CES1: variants seen among roughly 807,000 people sequenced by gnomAD.
CES1 encodes the protein liver carboxylesterase 1.
In CES1, 50 loss-of-function variants were observed where a neutral mutation model predicts 53.0. The ratio of observed to expected loss-of-function variants is 0.94; its 90% CI spans 0.75 to 1.19. The LOEUF is 1.19. Among genes scored for constraint, CES1 ranks in the 50% most tolerant of loss-of-function variants. The pLI is 0.00. For missense variants in CES1, 534 were observed against 538.0 expected, an observed-to-expected ratio of 0.99 and a Z score of 0.07; for synonymous variants, 202 against 210.1, an observed-to-expected ratio of 0.96 and a Z score of 0.33.
chr16:55,823,718 A>G (rs2032307166), intron 3 of CES1, 35 bp from the exon 4 acceptor site: 1 of 1,613,454 alleles, frequency 6.2e-7, no homozygotes, highest in African/African-American at 1.3e-5. Context: ...CAGTTACAGG[A>G]CACAGAGCCA....
intron 8 of CES1, among the ~76,000 whole-genome samples, chr16:55,814,717 T>A (rs1482105257): frequency 3.5e-4 from 53 of 152,382 alleles, no homozygotes; most frequent in African/African-American, 1.3e-3. Flanking sequence ...CAGATGGAAC[T>A]GGACAATTCC....
chr16:55,831,792 G>A (rs1425316118), intron 1 of CES1, among the ~76,000 whole-genome samples: 1 of 151,748 alleles, frequency 6.6e-6, no homozygotes, highest in Non-Finnish European at 1.5e-5. Flanking sequence ...GGGCTGTCAG[G>A]ATTCAGGACC....
intron 7 of CES1, among the ~76,000 whole-genome samples, chr16:55,818,379 T>C (rs552490144): frequency 6.6e-6 from 1 of 152,344 alleles, no homozygotes; most frequent in South Asian, 2.1e-4. Flanking sequence ...TCCTACAGTG[T>C]TGCCTCTGTG....
intron 2 of CES1, among the ~76,000 whole-genome samples, chr16:55,827,702 T>G (rs1297958764): frequency 1.3e-5 from 2 of 152,224 alleles, no homozygotes; most frequent in Admixed American, 1.3e-4. Flanking sequence ...CAATACCCAA[T>G]GTAATGCAGC....
intron 2 of CES1, chr16:55,827,758 T>G (rs1438177218): frequency 6.6e-6 from 1 of 152,226 alleles, no homozygotes. Flanking sequence ...ATTATGCTCA[T>G]GATATACTTA....
intron 8 of CES1, among the ~76,000 whole-genome samples, chr16:55,813,851 G>A (rs1444652837): frequency 2.0e-5 from 3 of 152,240 alleles, no homozygotes; most frequent in Non-Finnish European, 1.5e-5. Context: ...AATAGACCGC[G>A]AAGAGGACAC....
intron 8 of CES1, among the ~76,000 whole-genome samples, chr16:55,813,672 G>A (rs535550694): frequency 6.6e-6 from 1 of 152,256 alleles, no homozygotes; most frequent in East Asian, 1.9e-4. Context: ...ACGGCCAGCA[G>A]CACTGCAGCT....
intron 7 of CES1, among the ~76,000 whole-genome samples, chr16:55,817,958 C>T (rs1211729042): frequency 6.6e-6 from 1 of 152,190 alleles, no homozygotes; most frequent in African/African-American, 2.4e-5. Flanking sequence ...GGAATATTTG[C>T]CTCCTTCCGG....
At chr16:55,828,494 CT>C in intron 2 of CES1, among the ~76,000 whole-genome samples, 1 of 152,322 alleles carries the variant, frequency 6.6e-6, no homozygotes, top group East Asian at 1.9e-4. Flanking sequence ...CTGTCTCCCC[CT>C]GCTAGAATGC....
chr16:55,816,468 G>A (rs1210492183), intron 8 of CES1, among the ~76,000 whole-genome samples: 5 of 152,232 alleles, frequency 3.3e-5, no homozygotes, highest in Non-Finnish European at 5.9e-5. Context: ...GGGGGTGGGA[G>A]TGGGGATGAG....
intron 1 of CES1, among the ~76,000 whole-genome samples, chr16:55,831,888 T>C (rs1165945220): frequency 6.6e-6 from 1 of 151,042 alleles, no homozygotes; most frequent in Non-Finnish European, 1.5e-5. Context: ...GTCTATAAAA[T>C]GGCATGGGGG....
chr16:55,822,851 G>T (rs1288594734), intron 4 of CES1, among the ~76,000 whole-genome samples: 1 of 152,074 alleles, frequency 6.6e-6, no homozygotes, highest in South Asian at 2.1e-4. Flanking sequence ...ATTGATGACC[G>T]CAATGAGACC....
At chr16:55,817,714 GTC>G (rs1196211359) in intron 7 of CES1, among the ~76,000 whole-genome samples, 2 of 151,844 alleles carry the variant, frequency 1.3e-5, no homozygotes, top group Non-Finnish European at 1.5e-5. Flanking sequence ...GTCTGTGTGT[GTC>G]TCTGTGTGTG....
intron 3 of CES1, among the ~76,000 whole-genome samples, chr16:55,824,277 T>C (rs1474265044): frequency 6.6e-6 from 1 of 152,288 alleles, no homozygotes; most frequent in Non-Finnish European, 1.5e-5. Flanking sequence ...GGACTAACAC[T>C]GTCGAGAACT....
intron 1 of CES1, among the ~76,000 whole-genome samples, chr16:55,831,719 C>G (rs558197126): frequency 6.7e-6 from 1 of 149,438 alleles, no homozygotes; most frequent in Admixed American, 6.7e-5. Context: ...CTGCCCTTCC[C>G]CACAGTTCCA....
intron 1 of CES1, among the ~76,000 whole-genome samples, chr16:55,830,817 G>GGAAGGAAGGTAAGAAGGAAGGAAGGAAA (rs2032627624): frequency 6.7e-6 from 1 of 150,086 alleles, no homozygotes; most frequent in Non-Finnish European, 1.5e-5. Flanking sequence ...AAGGAAGGAA[G>GGAAGGAAGGTAAGAAGGAAGGAAGGAAA]GAAGGCAGGC....
chr16:55,808,154 T>C (rs1386488671), intron 11 of CES1, among the ~76,000 whole-genome samples: 1 of 109,634 alleles, frequency 9.1e-6, no homozygotes, highest in Non-Finnish European at 1.8e-5. Flanking sequence ...GGGTTTGACC[T>C]TGCCTTTGCC....
rs2032568516 is a variant in CES1 at position 55,829,804 on chromosome 16, G to C, written c.53-830C>G. Among the ~76,000 whole-genome samples the C allele has an allele frequency of 2.6e-5, 4 of 152,326 alleles. No homozygotes were observed. The South Asian group carries it at 8.3e-4, about 32-fold the overall frequency. Reference sequence around the variant, plus strand: ...TGATCAGGTCAAGGAAGATTCTTCTGGTGGCCCTGGGCAGGTCTGCTCCAT... The same window carrying C: ...TGATCAGGTCAAGGAAGATTCTTCTCGTGGCCCTGGGCAGGTCTGCTCCAT... On this transcript the variant is annotated intron_variant, in intron 1 of 13. Coordinates refer to ENST00000360526, the MANE Select transcript of CES1 (RefSeq NM_001025195.2).
At chr16:55,831,103 C>T (rs1253557840) in intron 1 of CES1, among the ~76,000 whole-genome samples, 5 of 151,984 alleles carry the variant, frequency 3.3e-5, no homozygotes, top group East Asian at 3.9e-4. Context: ...TGTGAGGGTA[C>T]ATACGGTGGA....
Sources: allele counts gnomAD v4.1 joint callset (sites outside exome capture counted in the v4.1 genomes callset), GRCh38; gene constraint gnomAD v4.1.1; transcripts MANE v1.5; gene names NCBI Gene and HGNC (gene_info 2026-07-23, HGNC 2026-07-21).